The following RAB3C variants were observed in gnomAD, a reference collection of about 807,000 sequenced individuals.
RAB3C encodes the protein RAB3C, member RAS oncogene family.
Under a neutral mutation model 26.4 loss-of-function variants are expected in RAB3C, and 17 were observed. The ratio of observed to expected loss-of-function variants is 0.64; its 90% CI spans 0.44 to 0.97. The LOEUF is 0.97. RAB3C is among the 50% of genes least tolerant of loss of function. The pLI, the probability that RAB3C is intolerant of heterozygous loss-of-function variation, is 0.00. For missense variants in RAB3C, 242 were observed against 281.9 expected (o/e 0.86, Z 1.01); for synonymous variants, 91 against 95.9 (o/e 0.95, Z 0.30).
chr5:58,688,079 A>G (rs1470998779), intron 2 of RAB3C, among the ~76,000 whole-genome samples: 1 of 152,148 alleles, frequency 6.6e-6, no homozygotes, highest in Non-Finnish European at 1.5e-5. Context: ...AATACCAAAA[A>G]TCATTTTACT....
intron 3 of RAB3C, among the ~76,000 whole-genome samples, chr5:58,729,233 TA>T (rs1740950629): frequency 6.6e-6 from 1 of 152,044 alleles, no homozygotes; most frequent in East Asian, 1.9e-4. Flanking sequence ...TATGCACTCT[TA>T]TTTTTTTCTC....
At chr5:58,712,204 GCT>G (rs1315295340) in intron 2 of RAB3C, among the ~76,000 whole-genome samples, 5 of 151,936 alleles carry the variant, frequency 3.3e-5, no homozygotes, top group African/African-American at 9.7e-5. Context: ...ACACAACCAG[GCT>G]CTCAGATTGC....
intron 2 of RAB3C, among the ~76,000 whole-genome samples, chr5:58,721,552 A>G (rs1740767129): frequency 6.6e-6 from 1 of 151,836 alleles, no homozygotes; most frequent in South Asian, 2.1e-4. Context: ...TTGACATTAT[A>G]AAATGTTTTT....
At chr5:58,813,671 A>G (rs1343122741) in intron 3 of RAB3C, among the ~76,000 whole-genome samples, 2 of 69,176 alleles carry the variant, frequency 2.9e-5, no homozygotes, top group East Asian at 7.1e-4. Flanking sequence ...GTAGAACCAC[A>G]GCTTTTATCC....
chr5:58,814,145 A>T (rs1202477695), intron 3 of RAB3C, among the ~76,000 whole-genome samples: 3 of 152,200 alleles, frequency 2.0e-5, no homozygotes, highest in Non-Finnish European at 4.4e-5. Context: ...GAGGCTTCAC[A>T]GTCCTGGTCT....
intron 3 of RAB3C, among the ~76,000 whole-genome samples, chr5:58,750,694 T>TTAGACA (rs1741502717): frequency 6.6e-6 from 1 of 152,232 alleles, no homozygotes; most frequent in Non-Finnish European, 1.5e-5. Context: ...CCCTAGTCAA[T>TTAGACA]AGAGTTGTAT....
chr5:58,804,995 G>A (rs997528718), intron 3 of RAB3C, among the ~76,000 whole-genome samples: 3 of 150,986 alleles, frequency 2.0e-5, no homozygotes, highest in Non-Finnish European at 4.4e-5. Flanking sequence ...AAACTGGGGA[G>A]AGGCAAAGGT....
chr5:58,716,587 G>T (rs909843835), intron 2 of RAB3C, among the ~76,000 whole-genome samples: 16 of 151,924 alleles, frequency 1.1e-4, no homozygotes, highest in Non-Finnish European at 2.1e-4. Flanking sequence ...ATATGAATGT[G>T]CATATATGTA....
At chr5:58,672,215 T>C (rs2111825614) in intron 2 of RAB3C, among the ~76,000 whole-genome samples, 1 of 152,270 alleles carries the variant, frequency 6.6e-6, no homozygotes, top group East Asian at 1.9e-4. Flanking sequence ...ATGTCTCTCT[T>C]TGGAAGGACC....
At chr5:58,807,123 T>A (rs533555931) in intron 3 of RAB3C, among the ~76,000 whole-genome samples, 1 of 152,356 alleles carries the variant, frequency 6.6e-6, no homozygotes, top group African/African-American at 2.4e-5. Flanking sequence ...GTTGCTTTAA[T>A]CTGTATCTCA....
chr5:58,731,013 A>G (rs2111928971), intron 3 of RAB3C, among the ~76,000 whole-genome samples: 1 of 152,224 alleles, frequency 6.6e-6, no homozygotes, highest in African/African-American at 2.4e-5. Flanking sequence ...CGTGAGACTT[A>G]CTATCATAAG....
intron 4 of RAB3C, among the ~76,000 whole-genome samples, chr5:58,849,062 T>C (rs75973842): frequency 0.037 from 5,653 of 152,294 alleles, 149 homozygotes; most frequent in Non-Finnish European, 0.06. Flanking sequence ...AATATGATGA[T>C]AGGGTGTTGA....
rs1255199370 is a variant in RAB3C, at chr5:58,858,702, A to G, written c.*7351A>G. 6.6e-6 allele frequency: 1 copy of G among 152,192 alleles called. No homozygotes were observed. Among genetic ancestry groups the G allele is most frequent in the Non-Finnish European group, 1.5e-5 (1 of 68,030 alleles). 9.4% of individuals were successfully genotyped at this position (152,192 alleles called of 1,614,324 possible). ...TGGAAGAGAGACAAAGCTATCAGCT[A>G]TAGATCATTGTTTTCTTAAGACAGC... is the stretch of plus-strand genomic sequence containing the variant. On this transcript the variant is annotated 3_prime_UTR_variant, in exon 5 of 5. Transcript: ENST00000282878.
At chr5:58,728,319 C>T (rs922815412) in intron 3 of RAB3C, among the ~76,000 whole-genome samples, 2 of 151,992 alleles carry the variant, frequency 1.3e-5, no homozygotes, top group African/African-American at 4.8e-5. Flanking sequence ...GAAATATGAG[C>T]ACTGTCTTTT....
intron 1 of RAB3C, among the ~76,000 whole-genome samples, chr5:58,585,012 G>C (rs1745981642): frequency 6.6e-6 from 1 of 151,970 alleles, no homozygotes; most frequent in Admixed American, 6.6e-5. Context: ...TAAAAATAAG[G>C]TAAAATGAAA....
intron 2 of RAB3C, chr5:58,644,492 C>G (rs936459646): frequency 6.6e-6 from 1 of 151,722 alleles, no homozygotes; most frequent in South Asian, 2.1e-4. Context: ...CATCAGGCAC[C>G]GGGAGAAAAA....
chr5:58,628,607 G>A (rs1483907394), intron 2 of RAB3C, among the ~76,000 whole-genome samples: 7 of 151,734 alleles, frequency 4.6e-5, no homozygotes, highest in Admixed American at 2.0e-4. Context: ...CTTCTCATGG[G>A]TTGAACCCAC....
intron 2 of RAB3C, among the ~76,000 whole-genome samples, chr5:58,630,642 T>C (rs1159097575): frequency 6.6e-6 from 1 of 152,202 alleles, no homozygotes; most frequent in Non-Finnish European, 1.5e-5. Flanking sequence ...CCTCTGGAAA[T>C]TTCCACTGTA....
At chr5:58,823,010 G>A in intron 3 of RAB3C, 2 of 613,254 alleles carry the variant, frequency 3.3e-6, no homozygotes, top group Non-Finnish European at 3.1e-6. Context: ...GGGAGCTGTT[G>A]ATAAAGGCTG....
Sources: allele counts gnomAD v4.1 joint callset (sites outside exome capture counted in the v4.1 genomes callset), GRCh38; gene constraint gnomAD v4.1.1; transcripts MANE v1.5; gene names NCBI Gene and HGNC (gene_info 2026-07-23, HGNC 2026-07-21).